The following CMYA5 variants were observed in gnomAD, a reference collection of about 807,000 sequenced individuals.
CMYA5 encodes cardiomyopathy associated 5.
In CMYA5, 246 loss-of-function variants were observed where a neutral mutation model predicts 318.9. The observed-to-expected ratio is 0.77, with a 90% CI of 0.70 to 0.86. The LOEUF is 0.86. Among genes scored for constraint, CMYA5 ranks in the 40% least tolerant of loss-of-function variants. CMYA5 has a pLI of 0.00. For synonymous variants in CMYA5, 1,641 were observed against 1,729.5 expected (o/e 0.95, Z 1.27); for missense variants, 4,589 against 4,678.2 (o/e 0.98, Z 0.56).
chr5:79,745,262 A>G lies in CMYA5; in HGVS notation c.10775A>G (p.Asn3592Ser), dbSNP rs1455674303. ...AATGAGAAAAGGCTAGAAGAACAGA[A>G]TGAGGAAATGATGAAGAAGGTTTTA... ...SKNEKRLEEQ[N>S]EEMMKKVLAQ... Residue 3592 changes from asparagine (N) to serine (S), a missense_variant, in exon 4 of 13, where the codon AAT becomes AGT. Coordinates refer to ENST00000446378, the MANE Select transcript of CMYA5 (RefSeq NM_153610.5). The G allele has an allele frequency of 2.9e-5, 47 of 1,606,342 alleles. No individual in the cohort carries two copies. Among genetic ancestry groups the G allele is most frequent in the Non-Finnish European group, 3.8e-5 (45 of 1,175,872 alleles).
In CMYA5 at chr5:79,745,378, A is replaced by T; in HGVS notation, c.10891A>T (p.Ser3631Cys). 6.2e-7 allele frequency: 1 copy of T among 1,614,012 alleles called. No individual in the cohort carries two copies. Among genetic ancestry groups the T allele is most frequent in the Non-Finnish European group, 8.5e-7 (1 of 1,179,874 alleles). Reference protein sequence around the residue: ...LHEQMVHFLQSMDTAKDTLET... With the variant: ...LHEQMVHFLQCMDTAKDTLET... ...TGAGCAGATGGTCCACTTTCTGCAG[A>T]GCATGGACACTGCCAAAGACACCCT... Residue 3631 changes from serine (S) to cysteine (C), a missense_variant, in exon 4 of 13, where the codon AGC becomes TGC. This residue lies in a region of CMYA5 where 2,431 missense variants were observed against 2,495.1 expected (regional missense o/e 0.97). Coordinates refer to ENST00000446378, the MANE Select transcript of CMYA5 (RefSeq NM_153610.5).
intron 1 of CMYA5, among the ~76,000 whole-genome samples, chr5:79,722,617 C>T (rs1451517270): frequency 1.4e-5 from 2 of 141,008 alleles, no homozygotes; most frequent in African/African-American, 5.3e-5. Flanking sequence ...GCGAAGGTTG[C>T]AGGGAGCCAA....
intron 9 of CMYA5, among the ~76,000 whole-genome samples, chr5:79,781,766 C>A (rs1829018897): frequency 3.3e-5 from 1 of 30,206 alleles, no homozygotes; most frequent in Non-Finnish European, 4.7e-5. Context: ...GGTGATATCC[C>A]CTTTATCATT....
intron 10 of CMYA5, among the ~76,000 whole-genome samples, chr5:79,790,288 C>T (rs1166498513): frequency 1.3e-5 from 2 of 148,150 alleles, no homozygotes; most frequent in Admixed American, 6.7e-5. Context: ...TTTTTTTTCT[C>T]GAATGGAGTC....
At chr5:79,752,550 G>C (rs1828448583) in intron 5 of CMYA5, 126 bp from the exon 6 acceptor site, 1 of 569,256 alleles carries the variant, frequency 1.8e-6, no homozygotes, top group Non-Finnish European at 3.1e-6. Flanking sequence ...TTTTTGGATA[G>C]AGTGAGAGGC....
intron 1 of CMYA5, among the ~76,000 whole-genome samples, chr5:79,714,341 TCA>T (rs2151079408): frequency 6.6e-6 from 1 of 151,988 alleles, no homozygotes; most frequent in Non-Finnish European, 1.5e-5. Flanking sequence ...GACCCTCCTC[TCA>T]CACACGTATT....
At position 79,737,773 on chromosome 5, in the gene CMYA5, C is replaced by T. The variant is rs758676694; in HGVS notation, c.9008C>T (p.Thr3003Ile). 3 of 1,611,430 alleles carry T rather than the reference C, an allele frequency of 1.9e-6. No individual in the cohort carries two copies. Among genetic ancestry groups the T allele is most frequent in the Non-Finnish European group, 2.5e-6 (3 of 1,179,254 alleles). Residue 3003 changes from threonine (T) to isoleucine (I), a missense_variant, in exon 2 of 13, where the codon ACA (threonine) becomes ATA (isoleucine). Physicochemically the swap from Thr to Ile is moderately conservative, Grantham distance 89 (BLOSUM62 -1). Transcript: ENST00000446378. ...AGTGAAACAGTTGCTTGTCATAAAACATTAAAGAGCAGGTTAGAAGATGAA... is the reference window on the plus strand; with the variant it reads ...AGTGAAACAGTTGCTTGTCATAAAATATTAAAGAGCAGGTTAGAAGATGAA... ...DDSETVACHKTLKSRLEDEKV... is the reference protein window; with the variant it reads ...DDSETVACHKILKSRLEDEKV...
intron 9 of CMYA5, among the ~76,000 whole-genome samples, chr5:79,771,976 A>G (rs575497617): frequency 6.6e-6 from 1 of 152,292 alleles, no homozygotes; most frequent in East Asian, 1.9e-4. Context: ...CCTCTCGTTA[A>G]TATTTTTCCC....
chr5:79,762,906 A>G (rs1009634668), intron 8 of CMYA5, 156 bp from the exon 9 acceptor site: 6 of 750,258 alleles, frequency 8.0e-6, no homozygotes, highest in Admixed American at 3.0e-5. Context: ...ATCACCATCT[A>G]TATTTGATCC....
intron 9 of CMYA5, 44 bp from the exon 10 acceptor site, chr5:79,788,927 A>T: frequency 3.8e-6 from 6 of 1,569,242 alleles, no homozygotes; most frequent in Non-Finnish European, 5.2e-6. Flanking sequence ...ATCATTTAGC[A>T]TGTGGCATTA....
intron 9 of CMYA5, among the ~76,000 whole-genome samples, chr5:79,771,885 G>A (rs1185764767): frequency 6.6e-6 from 1 of 152,158 alleles, no homozygotes; most frequent in African/African-American, 2.4e-5. Context: ...CCTGATGACT[G>A]GGTGGTACCA....
At chr5:79,728,531 C>T (rs902643387) in intron 1 of CMYA5, among the ~76,000 whole-genome samples, 3 of 151,996 alleles carry the variant, frequency 2.0e-5, no homozygotes, top group Middle Eastern at 3.4e-3. Context: ...GGTGAGGTGG[C>T]GATCGTGGTA....
At chr5:79,713,282 A>AC (rs1827435901) in intron 1 of CMYA5, among the ~76,000 whole-genome samples, 2 of 99,558 alleles carry the variant, frequency 2.0e-5, no homozygotes, top group African/African-American at 7.8e-5. Flanking sequence ...GACAGTCCCC[A>AC]CCCCGCTGCA....
At chr5:79,797,456 T>C (rs964939663) in intron 12 of CMYA5, among the ~76,000 whole-genome samples, 1 of 152,246 alleles carries the variant, frequency 6.6e-6, no homozygotes, top group African/African-American at 2.4e-5. Context: ...GCAATGACTT[T>C]ATATATGCCC....
rs1472117065 is a variant in CMYA5, at chr5:79,739,217, G to C, written c.10452G>C (p.Glu3484Asp). The C allele has an allele frequency of 1.2e-6, 2 of 1,613,176 alleles. No individual in the cohort carries two copies. Among genetic ancestry groups the C allele is most frequent in the South Asian group, 2.2e-5 (2 of 90,886 alleles). ...TPAEQKELGSERKEEDQLSSE... is the reference protein window; with the variant it reads ...TPAEQKELGSDRKEEDQLSSE... ...CTGAACAAAAAGAGTTGGGCAGCGA[G>C]AGGAAAGAAGAAGACCAATTATCAT... is the stretch of plus-strand genomic sequence containing the variant. Residue 3484 changes from glutamate (E) to aspartate (D), a missense_variant, in exon 2 of 13, where the codon GAG (glutamate) becomes GAC (aspartate). By Grantham distance (45) the Glu-to-Asp change is conservative. Coordinates refer to ENST00000446378, the MANE Select transcript of CMYA5 (RefSeq NM_153610.5).
At chr5:79,694,212 C>G (rs913994400) in intron 1 of CMYA5, among the ~76,000 whole-genome samples, 2 of 152,144 alleles carry the variant, frequency 1.3e-5, no homozygotes, top group African/African-American at 4.8e-5. Context: ...GTTGTGTCTA[C>G]TATACCAGTC....
intron 2 of CMYA5, 40 bp downstream of exon 2, chr5:79,739,443 A>G: frequency 1.5e-6 from 2 of 1,309,546 alleles, no homozygotes; most frequent in Non-Finnish European, 1.0e-6. Flanking sequence ...TAATATATAT[A>G]TACACATTTA....
At chr5:79,789,217 G>A in intron 10 of CMYA5, 113 bp downstream of exon 10, 2 of 1,241,458 alleles carry the variant, frequency 1.6e-6, no homozygotes, top group Non-Finnish European at 2.2e-6. Context: ...ACTGTCAGTG[G>A]TAGGTTTTTG....
In CMYA5 at chr5:79,738,726, A is replaced by G; in HGVS notation, c.9961A>G (p.Lys3321Glu). The change falls in exon 2 of 13, where the codon AAG becomes GAG. Residue 3321 changes from lysine (K) to glutamate (E), a missense_variant. Physicochemically the swap from Lys to Glu is moderately conservative, Grantham distance 56 (BLOSUM62 1). Coordinates refer to ENST00000446378, the MANE Select transcript of CMYA5 (RefSeq NM_153610.5). ...GACCGTTGGTAACGTAGCGATGCAG[A>G]AGAAAGCTCCCATCACAGAGGACGT... ...VETVGNVAMQ[K>E]KAPITEDVRV... is the part of the protein sequence containing the mutation. The G allele has an allele frequency of 6.2e-7, 1 of 1,613,934 alleles. No homozygotes were observed. The highest frequency in any genetic ancestry group is 8.5e-7 in the Non-Finnish European group (1 of 1,179,860).
Sources: allele counts gnomAD v4.1 joint callset (sites outside exome capture counted in the v4.1 genomes callset), GRCh38; gene constraint gnomAD v4.1.1; regional missense constraint gnomAD v4.1.1; transcripts MANE v1.5; gene names NCBI Gene and HGNC (gene_info 2026-07-23, HGNC 2026-07-21).